Variants in TMEM82 observed in about 807,000 individuals in gnomAD.
TMEM82 encodes transmembrane protein 82.
A neutral mutation model predicts 29.2 loss-of-function variants in TMEM82; 30 were observed. That is an observed-to-expected ratio of 1.03 (90% confidence interval 0.77 to 1.39). The LOEUF is 1.39. Ranked by LOEUF, TMEM82 falls within the 40% of genes most tolerant of loss-of-function variation. The pLI is 0.00. For missense variants in TMEM82, 442 were observed against 447.7 expected (o/e 0.99, Z 0.12); for synonymous variants, 221 against 225.4 (o/e 0.98, Z 0.18).
intron 4 of TMEM82, among the ~76,000 whole-genome samples, chr1:15,746,235 G>A (rs1323232248): frequency 3.3e-5 from 5 of 151,832 alleles, no homozygotes; most frequent in Non-Finnish European, 4.4e-5. Flanking sequence ...TGTAAACCCA[G>A]CACTTTCGGA....
rs1273777864 is a variant in TMEM82, at chr1:15,742,752, C to T, written c.89-83C>T. The T allele has an allele frequency of 2.6e-6, 4 of 1,526,282 alleles. No individual in the cohort carries two copies. In the East Asian group the frequency reaches 6.9e-5, roughly 26 times the overall value. The allele number at this position is 1,526,282 out of a possible 1,614,324, so 94.5% of individuals were successfully genotyped here. A position where few individuals can be genotyped will look rare whatever the true frequency, so the allele number is the denominator to read the frequency against. ...GTCTCCCGACACCCCTGCCCCTTGG[C>T]CGCCCCCTCTGACCCTACCAATGAA... On this transcript the variant is annotated intron_variant, in intron 1 of 5. Coordinates refer to ENST00000375782, the MANE Select transcript of TMEM82 (RefSeq NM_001013641.3).
At chr1:15,747,101 C>A in intron 5 of TMEM82, 47 bp downstream of exon 5, 1 of 1,577,566 alleles carries the variant, frequency 6.3e-7, no homozygotes, top group Non-Finnish European at 8.6e-7. Context: ...AACCCTGCTT[C>A]AAACAGCCCA....
intron 2 of TMEM82, 56 bp downstream of exon 2, chr1:15,742,963 C>G (rs978007574): frequency 6.2e-7 from 1 of 1,605,038 alleles, no homozygotes; most frequent in African/African-American, 1.3e-5. Context: ...GGGACCCCCA[C>G]CAGGGGTCGA....
chr1:15,746,504 G>A (rs1208104150), intron 4 of TMEM82, among the ~76,000 whole-genome samples: 2 of 152,088 alleles, frequency 1.3e-5, no homozygotes, highest in African/African-American at 4.8e-5. Context: ...GGGTCCATGG[G>A]AGTGGCGAGA....
chr1:15,745,955 G>A (rs1423372129), intron 4 of TMEM82, among the ~76,000 whole-genome samples: 1 of 151,022 alleles, frequency 6.6e-6, no homozygotes, highest in African/African-American at 2.4e-5. Context: ...GAACTCTTGG[G>A]CTCAAGCAAT....
intron 3 of TMEM82, 106 bp downstream of exon 3, chr1:15,743,300 C>T (rs1038961785): frequency 4.8e-5 from 64 of 1,331,170 alleles, no homozygotes; most frequent in African/African-American, 4.3e-4. Flanking sequence ...CCAGCCTCTT[C>T]GCCGTATTTT....
At position 15,744,508 on chromosome 1, in the gene TMEM82, A is replaced by G. The variant is rs768957207; in HGVS notation, c.685A>G (p.Thr229Ala). Residue 229 changes from threonine to alanine, a missense_variant, in exon 4 of 6, where the codon ACC becomes GCC. Thr to Ala is a moderately conservative substitution (Grantham distance 58). Coordinates refer to ENST00000375782, the MANE Select transcript of TMEM82 (RefSeq NM_001013641.3). This position sits in a 1 kb window ranked among gnomAD's most constrained non-coding sequence, Gnocchi z 5.2. ...GGCCCTCATCAACCAGGACTTCCTG[A>G]CCACCTCGGAGGCCATGCGGTTCTG... is the stretch of plus-strand genomic sequence containing the variant. Reference protein sequence around the residue: ...AVALINQDFLTTSEAMRFWTP... With the variant: ...AVALINQDFLATSEAMRFWTP... The G allele has an allele frequency of 3.1e-6, 5 of 1,612,480 alleles. No homozygotes were observed. The South Asian group carries it at 5.5e-5, about 18-fold the overall frequency.
chr1:15,746,440 C>CGG (rs915857122), intron 4 of TMEM82, among the ~76,000 whole-genome samples: 1 of 150,768 alleles, frequency 6.6e-6, no homozygotes, highest in Non-Finnish European at 1.5e-5. Flanking sequence ...GAACAGAAGC[C>CGG]GGGAGCCTGG....
chr1:15,747,018 G>A lies in TMEM82; in HGVS notation c.909G>A (p.Val303=), dbSNP rs756060086. Residue 303 remains valine, a synonymous_variant, in exon 5 of 6, where the codon GTG becomes GTA. Transcript: ENST00000375782. ...VSLLGELWCL[V]GVRTLLDLCQ... is the part of the protein sequence containing the mutation. ...TACTGGGCGAGCTCTGGTGTCTCGT[G>A]GGCGTCCGCACCCTGCTTGACCTCT... 6.2e-7 allele frequency: 1 copy of A among 1,611,542 alleles called. No homozygotes were observed. The highest frequency in any genetic ancestry group is 8.5e-7 in the Non-Finnish European group (1 of 1,179,736).
chr1:15,744,315 C>T lies in TMEM82; in HGVS notation c.492C>T (p.Gly164=). Reference sequence around the variant, plus strand: ...GCCTCGGGCTGGCCACGCTGCTGGGCCTGGGTGCCCGGCGCCTCCACCGCC... The same window carrying T: ...GCCTCGGGCTGGCCACGCTGCTGGGTCTGGGTGCCCGGCGCCTCCACCGCC... ...LLSLGLATLL[G]LGARRLHRHV... The change falls in exon 4 of 6, where the codon GGC becomes GGT. Residue 164 remains glycine (G), a synonymous_variant. Coordinates refer to ENST00000375782, the MANE Select transcript of TMEM82 (RefSeq NM_001013641.3). This position sits in a 1 kb window ranked among gnomAD's most constrained non-coding sequence, Gnocchi z 5.2. 6.5e-7 allele frequency: 1 copy of T among 1,544,358 alleles called. No individual in the cohort carries two copies. The highest frequency in any genetic ancestry group is 1.2e-5 in the South Asian group (1 of 84,636).
At chr1:15,745,353 T>C (rs2068326232) in intron 4 of TMEM82, among the ~76,000 whole-genome samples, 1 of 152,036 alleles carries the variant, frequency 6.6e-6, no homozygotes, top group South Asian at 2.1e-4. Context: ...AAACCCTGCC[T>C]GTACTAAAAA....
At chr1:15,746,373 A>G (rs1316903741) in intron 4 of TMEM82, among the ~76,000 whole-genome samples, 1 of 147,574 alleles carries the variant, frequency 6.8e-6, no homozygotes, top group African/African-American at 2.5e-5. Context: ...AGATCATGCC[A>G]CTGCACTCCA....
intron 4 of TMEM82, among the ~76,000 whole-genome samples, chr1:15,745,949 T>A (rs1161573851): frequency 2.7e-5 from 4 of 148,148 alleles, no homozygotes; most frequent in Admixed American, 2.7e-4. Context: ...GGTCTTGAAC[T>A]CTTGGGCTCA....
At chr1:15,747,077 TC>T in intron 5 of TMEM82, 23 bp downstream of exon 5, 1 of 1,592,828 alleles carries the variant, frequency 6.3e-7, no homozygotes. Flanking sequence ...ATCCCATGTG[TC>T]CCCCAGACAA....
chr1:15,747,512 A>G, intron 5 of TMEM82, 34 bp from the exon 6 acceptor site: 4 of 1,589,246 alleles, frequency 2.5e-6, no homozygotes, highest in Non-Finnish European at 3.5e-6. Flanking sequence ...GGGATGGGTG[A>G]ATGGGTGGTG....
intron 4 of TMEM82, among the ~76,000 whole-genome samples, chr1:15,745,892 C>CAAAA (rs914390608): frequency 2.3e-5 from 2 of 86,350 alleles, no homozygotes; most frequent in African/African-American, 3.6e-5. Flanking sequence ...CCATCTCAAA[C>CAAAA]AAAAAAAAAA....
At position 15,747,796 on chromosome 1, in the gene TMEM82, T is replaced by C. The variant is rs1034731612; in HGVS notation, c.*164T>C. ...GAGAAGGGAAGGCAGGATTTGGGGATGGGAGCCTCTGGAGAGGGGACACCT... is the reference window on the plus strand; with the variant it reads ...GAGAAGGGAAGGCAGGATTTGGGGACGGGAGCCTCTGGAGAGGGGACACCT... On this transcript the variant is annotated 3_prime_UTR_variant, in exon 6 of 6. Transcript: ENST00000375782. 1.7e-6 allele frequency: 1 copy of C among 586,576 alleles called. No individual in the cohort carries two copies. Among genetic ancestry groups the C allele is most frequent in the Non-Finnish European group, 2.8e-6 (1 of 352,792 alleles). The allele number at this position is 586,576 out of a possible 1,614,324, so 36.3% of individuals were successfully genotyped here.
At position 15,745,533 on chromosome 1, in the gene TMEM82, A is replaced by AAG. The variant is rs201507087; in HGVS notation, c.757+963_757+964dup. The stretch of plus-strand genomic sequence containing the variant: ...GATTCTGGAAAGAAAGAAAGAGAGA[A>AAG]AGAGAGAGAGAAAGAGAGAAAGAGA... On this transcript the variant is annotated intron_variant, in intron 4 of 5. Transcript: ENST00000375782. Among the ~76,000 whole-genome samples, 719 of 144,706 alleles carry AAG rather than the reference A, an allele frequency of 5.0e-3. 6 individuals are homozygous for AAG. The highest frequency in any genetic ancestry group is 7.1e-3 in the African/African-American group (266 of 37,540). 94.9% of individuals were successfully genotyped at this position (144,706 alleles called of 152,430 possible). A position where few individuals can be genotyped will look rare whatever the true frequency, so the allele number is the denominator to read the frequency against.
Position 15,742,508 on chromosome 1 carries a change from G to C in TMEM82, c.-52G>C. On this transcript the variant is annotated 5_prime_UTR_variant, in exon 1 of 6. Transcript: ENST00000375782. ...CCGACACCTTTGCCCAGTGACGTTGGTCTGTCCTTACGCAGACCTGGCCGG... is the reference window on the plus strand; with the variant it reads ...CCGACACCTTTGCCCAGTGACGTTGCTCTGTCCTTACGCAGACCTGGCCGG... The C allele has an allele frequency of 7.1e-7, 1 of 1,418,410 alleles. No homozygotes were observed. The highest frequency in any genetic ancestry group is 9.4e-7 in the Non-Finnish European group (1 of 1,061,178). The allele number at this position is 1,418,410 out of a possible 1,614,324, so 87.9% of individuals were successfully genotyped here. A position where few individuals can be genotyped will look rare whatever the true frequency, so the allele number is the denominator to read the frequency against.
Sources: allele counts gnomAD v4.1 joint callset (sites outside exome capture counted in the v4.1 genomes callset), GRCh38; gene constraint gnomAD v4.1.1; non-coding constraint Gnocchi (gnomAD v3.1); transcripts MANE v1.5; gene names NCBI Gene and HGNC (gene_info 2026-07-23, HGNC 2026-07-21).